The following PKIG variants were observed in gnomAD, a reference collection of about 807,000 sequenced individuals.
PKIG encodes protein kinase (cAMP-dependent, catalytic) inhibitor gamma.
A neutral mutation model predicts 6.8 loss-of-function variants in PKIG; 1 was observed. The observed-to-expected ratio is 0.15, with a 90% CI of 0.05 to 0.69. The LOEUF (loss-of-function observed/expected upper bound fraction) is 0.69, where lower values mean the gene tolerates loss of function less well. Ranked by LOEUF, PKIG falls within the 30% of genes least tolerant of loss-of-function variation. The pLI, the probability that PKIG is intolerant of heterozygous loss-of-function variation, is 0.82. For synonymous variants in PKIG, 39 were observed against 43.0 expected (o/e 0.91, Z 0.36); for missense variants, 77 against 104.0 (o/e 0.74, Z 1.13).
chr20:44,557,341 A>G (rs1227458454), intron 1 of PKIG, among the ~76,000 whole-genome samples: 1 of 152,050 alleles, frequency 6.6e-6, no homozygotes, highest in Non-Finnish European at 1.5e-5. Context: ...AGCCTGGCCA[A>G]CGTGGTGGAA....
intron 3 of PKIG, among the ~76,000 whole-genome samples, chr20:44,616,839 C>T (rs6103787): frequency 1.4e-3 from 207 of 152,314 alleles, no homozygotes; most frequent in African/African-American, 4.8e-3. Flanking sequence ...GGCGCCACCC[C>T]GCTGGGAATA....
At chr20:44,540,873 C>T (rs930173060) in intron 1 of PKIG, among the ~76,000 whole-genome samples, 1 of 152,176 alleles carries the variant, frequency 6.6e-6, no homozygotes, top group East Asian at 1.9e-4. Flanking sequence ...TGAGCCACTG[C>T]GCCTGGCCGT....
At chr20:44,602,438 A>G (rs1347031475) in intron 2 of PKIG, among the ~76,000 whole-genome samples, 1 of 152,186 alleles carries the variant, frequency 6.6e-6, no homozygotes, top group Non-Finnish European at 1.5e-5. Context: ...ACACATTGTA[A>G]ATATCTTTTT....
chr20:44,546,627 A>C (rs564075370), intron 1 of PKIG, among the ~76,000 whole-genome samples: 1 of 149,476 alleles, frequency 6.7e-6, no homozygotes, highest in South Asian at 2.1e-4. Context: ...ATCTTGGATC[A>C]CTGTAGCCTC....
intron 1 of PKIG, among the ~76,000 whole-genome samples, chr20:44,564,838 T>C (rs1368374235): frequency 6.6e-6 from 1 of 152,258 alleles, no homozygotes; most frequent in Non-Finnish European, 1.5e-5. Context: ...AGGCTGTGAA[T>C]ATAGGAGAAA....
chr20:44,536,530 A>T (rs541565515), intron 1 of PKIG, among the ~76,000 whole-genome samples: 2 of 152,260 alleles, frequency 1.3e-5, no homozygotes, highest in East Asian at 3.9e-4. Flanking sequence ...GGTAAGGGAG[A>T]GAGGAGTGGA....
chr20:44,544,164 T>TGCTC (rs1351977347), intron 1 of PKIG, among the ~76,000 whole-genome samples: 1 of 152,168 alleles, frequency 6.6e-6, no homozygotes, highest in Non-Finnish European at 1.5e-5. Context: ...CTGGGTCATA[T>TGCTC]GCTCATTCCT....
chr20:44,616,886 T>TC (rs2065270256), intron 3 of PKIG, among the ~76,000 whole-genome samples: 1 of 152,062 alleles, frequency 6.6e-6, no homozygotes, highest in Non-Finnish European at 1.5e-5. Context: ...CGGAATAGGG[T>TC]CCCGAGCTAC....
chr20:44,581,403 TA>T (rs932239299), upstream of PKIG, among the ~76,000 whole-genome samples: 6 of 152,162 alleles, frequency 3.9e-5, no homozygotes, highest in Non-Finnish European at 8.8e-5. Context: ...ACTTGACAGT[TA>T]AAAAAACTGA....
chr20:44,546,094 AC>A (rs2064611346), intron 1 of PKIG, among the ~76,000 whole-genome samples: 1 of 152,118 alleles, frequency 6.6e-6, no homozygotes. Context: ...TACAAAAAAT[AC>A]AAAAATTAGC....
chr20:44,610,498 T>TCACACACACACACACACACA (rs1379954369), intron 2 of PKIG, among the ~76,000 whole-genome samples: 53 of 119,540 alleles, frequency 4.4e-4, no homozygotes, highest in African/African-American at 1.3e-3. Context: ...TCTCTCTCTC[T>TCACACACACACACACACACA]CTCACACACA....
intron 1 of PKIG, among the ~76,000 whole-genome samples, chr20:44,552,635 C>A (rs115957775): frequency 6.6e-6 from 1 of 152,108 alleles, no homozygotes; most frequent in East Asian, 1.9e-4. Flanking sequence ...TAACCCAACC[C>A]CTGTGCGCCA....
intron 2 of PKIG, among the ~76,000 whole-genome samples, chr20:44,611,906 C>T (rs2065223318): frequency 6.6e-6 from 1 of 151,974 alleles, no homozygotes; most frequent in African/African-American, 2.4e-5. Flanking sequence ...TTTCACTTAA[C>T]ATTATGTCCT....
intron 1 of PKIG, among the ~76,000 whole-genome samples, chr20:44,539,317 G>A (rs889540303): frequency 2.6e-5 from 4 of 152,106 alleles, no homozygotes; most frequent in Non-Finnish European, 5.9e-5. Context: ...AGACCTGATT[G>A]ATGATCTCTT....
intron 2 of PKIG, among the ~76,000 whole-genome samples, chr20:44,608,550 C>T (rs186658825): frequency 1.8e-4 from 28 of 152,282 alleles, no homozygotes; most frequent in African/African-American, 4.3e-4. Flanking sequence ...GGCCTGTAAT[C>T]CCAACACTTT....
At chr20:44,576,897 CCTT>C (rs1298380607) in intron 1 of PKIG, among the ~76,000 whole-genome samples, 1 of 152,112 alleles carries the variant, frequency 6.6e-6, no homozygotes, top group Non-Finnish European at 1.5e-5. Context: ...CTTCTCTTCT[CCTT>C]CTGGCTCTCC....
At chr20:44,599,364 C>G (rs1265070944) in intron 2 of PKIG, among the ~76,000 whole-genome samples, 2 of 152,194 alleles carry the variant, frequency 1.3e-5, no homozygotes, top group Non-Finnish European at 2.9e-5. Context: ...TACTTTCTGT[C>G]ATAGAGTTGC....
intron 1 of PKIG, among the ~76,000 whole-genome samples, chr20:44,571,087 A>T: frequency 6.6e-6 from 1 of 152,038 alleles, no homozygotes; most frequent in East Asian, 1.9e-4. Context: ...TACAAAAATT[A>T]ACCGGATGTG....
intron 2 of PKIG, among the ~76,000 whole-genome samples, chr20:44,595,001 T>G (rs1276351533): frequency 6.6e-6 from 1 of 152,202 alleles, no homozygotes; most frequent in Non-Finnish European, 1.5e-5. Flanking sequence ...TGGGTGCAGA[T>G]GTTTGCAGTG....
Sources: allele counts gnomAD v4.1 joint callset (sites outside exome capture counted in the v4.1 genomes callset), GRCh38; gene constraint gnomAD v4.1.1; transcripts MANE v1.5; gene names NCBI Gene and HGNC (gene_info 2026-07-23, HGNC 2026-07-21).